The following SLC25A21 variants were observed in gnomAD, a reference collection of about 807,000 sequenced individuals.
The protein encoded by SLC25A21 is solute carrier family 25 member 21, also known as mitochondrial 2-oxodicarboxylate carrier.
Under a neutral mutation model 43.8 loss-of-function variants are expected in SLC25A21, and 47 were observed. The observed-to-expected ratio is 1.07, with a 90% CI of 0.85 to 1.37. The LOEUF is 1.37. SLC25A21 is among the 40% of genes most tolerant of loss of function. The probability of loss-of-function intolerance (pLI) is 0.00; values close to 1 mark genes in which losing one functional copy is unlikely to be tolerated. For missense variants in SLC25A21, 352 were observed against 350.2 expected (o/e 1.00, Z -0.04); for synonymous variants, 131 against 121.3 (o/e 1.08, Z -0.52).
intron 2 of SLC25A21, among the ~76,000 whole-genome samples, chr14:36,836,895 C>T (rs759219297): frequency 2.0e-4 from 31 of 151,896 alleles, no homozygotes; most frequent in Admixed American, 4.6e-4. Flanking sequence ...AGAGGAAAAA[C>T]TGAAGGGGAA....
chr14:36,813,768 C>G (rs999551925), intron 3 of SLC25A21, 150 bp downstream of exon 3: 2 of 606,634 alleles, frequency 3.3e-6, no homozygotes, highest in South Asian at 4.1e-5. Context: ...ATCCAGTTTT[C>G]AATCACATTA....
At chr14:37,117,252 T>C (rs1302203432) in intron 1 of SLC25A21, among the ~76,000 whole-genome samples, 2 of 152,182 alleles carry the variant, frequency 1.3e-5, no homozygotes, top group East Asian at 1.9e-4. Context: ...CTAAACTTTT[T>C]TTCAGGGCAT....
intron 1 of SLC25A21, among the ~76,000 whole-genome samples, chr14:36,889,954 G>T (rs1338057824): frequency 2.6e-5 from 4 of 152,144 alleles, no homozygotes; most frequent in African/African-American, 9.6e-5. Flanking sequence ...CCTTTTCTAG[G>T]TGTTGGACAA....
intron 1 of SLC25A21, among the ~76,000 whole-genome samples, chr14:37,155,160 T>G (rs1287687326): frequency 6.6e-6 from 1 of 152,020 alleles, no homozygotes; most frequent in Non-Finnish European, 1.5e-5. Context: ...AACCTCTGCT[T>G]CCGAGATTCC....
intron 1 of SLC25A21, among the ~76,000 whole-genome samples, chr14:37,006,232 A>C (rs1960600853): frequency 6.6e-6 from 1 of 152,176 alleles, no homozygotes; most frequent in Non-Finnish European, 1.5e-5. Context: ...ATATATGTCT[A>C]AATATGAATA....
chr14:36,841,244 A>G (rs970979975), intron 2 of SLC25A21, among the ~76,000 whole-genome samples: 3 of 152,234 alleles, frequency 2.0e-5, no homozygotes, highest in African/African-American at 7.2e-5. Context: ...CCAACTGAAA[A>G]ATACACAGAG....
At chr14:36,859,857 T>C (rs1449429664) in intron 2 of SLC25A21, among the ~76,000 whole-genome samples, 1 of 152,184 alleles carries the variant, frequency 6.6e-6, no homozygotes, top group African/African-American at 2.4e-5. Context: ...TGTTTTATTT[T>C]TCCAAATACA....
At chr14:36,681,851 T>A (rs1383426556) in intron 9 of SLC25A21, among the ~76,000 whole-genome samples, 1 of 152,198 alleles carries the variant, frequency 6.6e-6, no homozygotes, top group Non-Finnish European at 1.5e-5. Flanking sequence ...CCCTCTTAGC[T>A]TCTCTAGGCC....
At chr14:36,715,132 C>A (rs1017691524) in intron 6 of SLC25A21, among the ~76,000 whole-genome samples, 1 of 152,154 alleles carries the variant, frequency 6.6e-6, no homozygotes, top group African/African-American at 2.4e-5. Flanking sequence ...GACAATCCAA[C>A]TGATATAAGT....
chr14:37,137,063 CA>C (rs1963493596), intron 1 of SLC25A21, among the ~76,000 whole-genome samples: 1 of 152,168 alleles, frequency 6.6e-6, no homozygotes, highest in Non-Finnish European at 1.5e-5. Flanking sequence ...TGCAGTGGCG[CA>C]ATCTCGGCTC....
At chr14:37,149,141 T>G (rs1963716082) in intron 1 of SLC25A21, among the ~76,000 whole-genome samples, 1 of 149,734 alleles carries the variant, frequency 6.7e-6, no homozygotes, top group Admixed American at 6.6e-5. Context: ...TTATCACCAC[T>G]GTTTTTTTTT....
chr14:37,139,963 G>A (rs1278013399), intron 1 of SLC25A21, among the ~76,000 whole-genome samples: 1 of 152,218 alleles, frequency 6.6e-6, no homozygotes, highest in African/African-American at 2.4e-5. Context: ...AACATTAGCA[G>A]TTGAAGAACC....
chr14:36,929,539 A>AT (rs1229686867), intron 1 of SLC25A21, among the ~76,000 whole-genome samples: 2 of 152,136 alleles, frequency 1.3e-5, no homozygotes, highest in African/African-American at 4.8e-5. Context: ...GGAAAAGAAG[A>AT]TTTTTTGTGT....
chr14:36,752,978 A>T (rs576385572), intron 3 of SLC25A21, among the ~76,000 whole-genome samples: 13 of 152,302 alleles, frequency 8.5e-5, no homozygotes, highest in Admixed American at 7.2e-4. Flanking sequence ...GTCTTTAGCA[A>T]TGTGAGAACG....
At chr14:37,109,936 T>C (rs1361194186) in intron 1 of SLC25A21, among the ~76,000 whole-genome samples, 1 of 152,172 alleles carries the variant, frequency 6.6e-6, no homozygotes, top group Non-Finnish European at 1.5e-5. Context: ...TTATTAACAT[T>C]GCATGTCACA....
Position 36,679,570 on chromosome 14 carries a change from T to C in SLC25A21, c.*1088A>G. ...AAGGAGATATTTTTGTTGATACATGTTAGTATAGTAATCCTTAGAAATGCT... is the reference window on the plus strand; with the variant it reads ...AAGGAGATATTTTTGTTGATACATGCTAGTATAGTAATCCTTAGAAATGCT... On this transcript the variant is annotated 3_prime_UTR_variant, in exon 10 of 10. Transcript: ENST00000331299. 2 of 985,402 alleles carry C rather than the reference T, an allele frequency of 2.0e-6. No individual in the cohort carries two copies. The highest frequency in any genetic ancestry group is 2.4e-6 in the Non-Finnish European group (2 of 829,884). The allele number at this position is 985,402 out of a possible 1,614,324, so 61.0% of individuals were successfully genotyped here. A position where few individuals can be genotyped will look rare whatever the true frequency, so the allele number is the denominator to read the frequency against.
intron 7 of SLC25A21, among the ~76,000 whole-genome samples, chr14:36,688,921 C>A (rs1882670225): frequency 6.6e-6 from 1 of 152,192 alleles, no homozygotes; most frequent in Non-Finnish European, 1.5e-5. Context: ...GACTTTGCCT[C>A]AAGGCATAGT....
intron 1 of SLC25A21, among the ~76,000 whole-genome samples, chr14:37,156,240 A>T (rs1819014346): frequency 6.6e-6 from 1 of 151,974 alleles, no homozygotes; most frequent in Non-Finnish European, 1.5e-5. Context: ...AAAAGAATTA[A>T]ATGGTATTAC....
chr14:36,863,844 C>T (rs529570532), intron 2 of SLC25A21, among the ~76,000 whole-genome samples: 69 of 152,316 alleles, frequency 4.5e-4, no homozygotes, highest in South Asian at 3.7e-3. Context: ...GCAACCAACC[C>T]GGCCTAGGGC....
Sources: allele counts gnomAD v4.1 joint callset (sites outside exome capture counted in the v4.1 genomes callset), GRCh38; gene constraint gnomAD v4.1.1; transcripts MANE v1.5; gene names NCBI Gene and HGNC (gene_info 2026-07-23, HGNC 2026-07-21).